The following SHOX variants were observed in gnomAD, a reference collection of about 807,000 sequenced individuals.
SHOX encodes the protein SHOX homeobox.
Under a neutral mutation model 29.6 loss-of-function variants are expected in SHOX, and 12 were observed. The observed-to-expected ratio is 0.41, with a 90% CI of 0.26 to 0.66. The LOEUF (loss-of-function observed/expected upper bound fraction) is 0.66. Among genes scored for constraint, SHOX ranks in the 30% least tolerant of loss-of-function variants. The probability of loss-of-function intolerance (pLI) is 0.35; values close to 1 mark genes in which losing one functional copy is unlikely to be tolerated. For synonymous variants in SHOX, 214 were observed against 200.6 expected, an observed-to-expected ratio of 1.07 and a Z score of -0.57; for missense variants, 499 against 437.7, an observed-to-expected ratio of 1.14 and a Z score of -1.25.
At chrX:624,742 C>CT (rs1232833439) in intron 1 of SHOX, 3 of 34,556 alleles carry the variant, frequency 8.7e-5, no homozygotes, top group Admixed American at 3.0e-4. Context: ...TCTTTCTTTT[C>CT]TTTCTTCCTT....
upstream of SHOX, among the ~76,000 whole-genome samples, chrX:627,863 G>C (rs1432382466): frequency 6.6e-6 from 1 of 152,170 alleles, no homozygotes; most frequent in Non-Finnish European, 1.5e-5. Flanking sequence ...GCTGAGCTGG[G>C]AGGACGGAGG....
chrX:659,378 C>T (rs1327607486), exon 6 of SHOX: 1 of 152,174 alleles, frequency 6.6e-6, no homozygotes, highest in Non-Finnish European at 1.5e-5. Flanking sequence ...TGAACCACTG[C>T]CCGTGGTCTC....
At chrX:651,999 C>G (rs1308158179), downstream of SHOX, among the ~76,000 whole-genome samples, 1 of 151,936 alleles carries the variant, frequency 6.6e-6, no homozygotes, top group Non-Finnish European at 1.5e-5. Flanking sequence ...CTCGGCTCAC[C>G]GCGACCTCCG....
chrX:654,915 C>T (rs1308984202), downstream of SHOX, among the ~76,000 whole-genome samples: 6 of 97,574 alleles, frequency 6.1e-5, no homozygotes, highest in Non-Finnish European at 9.7e-5. Context: ...TTTGAGCTCC[C>T]GACCTCGGGT....
chrX:651,422 C>A lies in SHOX; in HGVS notation c.*6786C>A, dbSNP rs554048356. On this transcript the variant is annotated 3_prime_UTR_variant, in exon 5 of 5. Coordinates refer to ENST00000686671, the MANE Select transcript of SHOX (RefSeq NM_000451.4). ...ACAAACAAACAAACAGAAAAAAAAA[C>A]CAAAAAAAACCACCCTGAGTTTCTC... is the stretch of plus-strand genomic sequence containing the variant. 12,555 of 449,314 alleles carry A rather than the reference C, an allele frequency of 0.028. 673 individuals carry two copies. The highest frequency in any genetic ancestry group is 0.13 in the South Asian group (7,885 of 62,832). The allele number at this position is 449,314 out of a possible 1,614,324, so 27.8% of individuals were successfully genotyped here.
intron 1 of SHOX, among the ~76,000 whole-genome samples, chrX:632,722 C>G (rs1238354449): frequency 6.6e-6 from 1 of 152,184 alleles, no homozygotes; most frequent in Non-Finnish European, 1.5e-5. Flanking sequence ...GAGGCAGGAG[C>G]CCAGCCTGCC....
chrX:652,159 G>A (rs1308735469), downstream of SHOX, among the ~76,000 whole-genome samples: 3 of 151,948 alleles, frequency 2.0e-5, no homozygotes, highest in Non-Finnish European at 2.9e-5. Flanking sequence ...TCCTGACCTC[G>A]TGATCCACCC....
rs1022073677 is a variant in SHOX, at chrX:649,482, C to A, written c.*4846C>A. Among the ~76,000 whole-genome samples the A allele has an allele frequency of 6.6e-6, 1 of 152,158 alleles. No individual in the cohort carries two copies. Among genetic ancestry groups the A allele is most frequent in the African/African-American group, 2.4e-5 (1 of 41,432 alleles). ...AGCATGGAAACAACATACGTCTCTCCACAGGAGGTGAGAAATTGAATTTAT... is the reference window on the plus strand; with the variant it reads ...AGCATGGAAACAACATACGTCTCTCAACAGGAGGTGAGAAATTGAATTTAT... On this transcript the variant is annotated 3_prime_UTR_variant, in exon 5 of 5. Transcript: ENST00000686671.
chrX:649,989 T>G lies in SHOX; in HGVS notation c.*5353T>G, dbSNP rs1280859651. On this transcript the variant is annotated 3_prime_UTR_variant, in exon 5 of 5. Coordinates refer to ENST00000686671, the MANE Select transcript of SHOX (RefSeq NM_000451.4). ...GATGTATCGGATGTTGCTATTAGAT[T>G]TTCTTTCTCCGTTCGAGTCTCTGAC... The G allele has an allele frequency of 2.2e-6, 1 of 456,078 alleles. No homozygotes were observed. The highest frequency in any genetic ancestry group is 2.0e-5 in the African/African-American group (1 of 50,198). 28.3% of individuals were successfully genotyped at this position (456,078 alleles called of 1,614,324 possible).
rs940157310 is a variant in SHOX, at chrX:650,210, C to T, written c.*5574C>T. Among the ~76,000 whole-genome samples, 3 of 152,266 alleles carry T rather than the reference C, an allele frequency of 2.0e-5. No homozygotes were observed. The highest frequency in any genetic ancestry group is 2.9e-5 in the Non-Finnish European group (2 of 68,018). ...CTGTACGATTTAGAGCGTAACTGAC[C>T]GCGTCCAACACCCGTTTTTCCACTT... On this transcript the variant is annotated 3_prime_UTR_variant, in exon 5 of 5. Transcript: ENST00000686671.
In SHOX at chrX:634,661, G is replaced by A. The variant is rs1365571683; in HGVS notation, c.321G>A (p.Glu107=). 3.7e-6 allele frequency: 6 copies of A among 1,613,814 alleles called. No individual in the cohort carries two copies. The African/African-American group carries it at 6.7e-5, about 18-fold the overall frequency. ...CKEKREDVKS[E]DEDGQTKLKQ... ...AGAAGCGCGAGGACGTGAAGTCGGA[G>A]GACGAGGACGGGCAGACCAAGCTGA... Residue 107 remains glutamate, a synonymous_variant, in exon 2 of 5, where the codon GAG becomes GAA. Transcript: ENST00000686671.
In SHOX at chrX:631,007, A is replaced by G. The variant is rs2052637694; in HGVS notation, c.110A>G (p.Glu37Gly). Residue 37 changes from glutamate to glycine, a missense_variant, in exon 1 of 5, where the codon GAA becomes GGA. By Grantham distance (98) the Glu-to-Gly change is moderately conservative. Coordinates refer to ENST00000686671, the MANE Select transcript of SHOX (RefSeq NM_000451.4). ...AAGAAGGATTCCATTACGTACCGGG[A>G]AGTTTTGGAGAGCGGACTGGCGCGC... is the stretch of plus-strand genomic sequence containing the variant. ...GGKKDSITYR[E>G]VLESGLARSR... The G allele has an allele frequency of 1.2e-6, 2 of 1,613,746 alleles. No homozygotes were observed. Among genetic ancestry groups the G allele is most frequent in the Non-Finnish European group, 1.7e-6 (2 of 1,179,812 alleles).
Position 651,421 on chromosome X carries a change from ACC to A in SHOX, c.*6786_*6787del, listed in dbSNP as rs762520247. ...AACAAACAAACAAACAGAAAAAAAA[ACC>A]AAAAAAAACCACCCTGAGTTTCTCT... On this transcript the variant is annotated 3_prime_UTR_variant, in exon 5 of 5. Coordinates refer to ENST00000686671, the MANE Select transcript of SHOX (RefSeq NM_000451.4). 2.2e-6 allele frequency: 1 copy of A among 452,356 alleles called. No individual in the cohort carries two copies. The highest frequency in any genetic ancestry group is 2.0e-5 in the African/African-American group (1 of 49,488). The allele number at this position is 452,356 out of a possible 1,614,324, so 28.0% of individuals were successfully genotyped here. A position where few individuals can be genotyped will look rare whatever the true frequency, so the allele number is the denominator to read the frequency against.
In SHOX at chrX:644,855, G is replaced by A; in HGVS notation, c.*219G>A. 1 of 586,644 alleles carries A rather than the reference G, an allele frequency of 1.7e-6. No individual in the cohort carries two copies. The highest frequency in any genetic ancestry group is 2.7e-6 in the Non-Finnish European group (1 of 377,008). 36.3% of individuals were successfully genotyped at this position (586,644 alleles called of 1,614,324 possible). On this transcript the variant is annotated 3_prime_UTR_variant, in exon 5 of 5. Transcript: ENST00000686671. ...GGAGATGGTGCAGAAGGCGGAGCGG[G>A]TGAGCGGCCGTGCGTCCAGCCCGGG... is the stretch of plus-strand genomic sequence containing the variant.
rs2053054980 is a variant in SHOX, at chrX:651,161, G to C, written c.*6525G>C. ...ATATGTACTATTTTAATTATGTCGA[G>C]TGTAAATTTGACATCGCGTTGCATT... On this transcript the variant is annotated 3_prime_UTR_variant, in exon 5 of 5. Transcript: ENST00000686671. 5 of 399,282 alleles carry C rather than the reference G, an allele frequency of 1.3e-5. No homozygotes were observed. Among genetic ancestry groups the C allele is most frequent in the Admixed American group, 3.1e-5 (1 of 32,244 alleles). The allele number at this position is 399,282 out of a possible 1,614,324, so 24.7% of individuals were successfully genotyped here. A position where few individuals can be genotyped will look rare whatever the true frequency, so the allele number is the denominator to read the frequency against.
chrX:651,395 A>AC lies in SHOX; in HGVS notation c.*6759_*6760insC, dbSNP rs746176380. The AC allele has an allele frequency of 7.5e-4, 326 of 435,970 alleles. 10 individuals are homozygous for AC. The highest frequency in any genetic ancestry group is 3.8e-3 in the South Asian group (241 of 63,286). 27.0% of individuals were successfully genotyped at this position (435,970 alleles called of 1,614,324 possible). A position where few individuals can be genotyped will look rare whatever the true frequency, so the allele number is the denominator to read the frequency against. On this transcript the variant is annotated 3_prime_UTR_variant, in exon 5 of 5. Transcript: ENST00000686671. Reference sequence around the variant, plus strand: ...CGGCAGGCGGTGAGGGGTAGAAAAAAAACAAACAAACAAACAGAAAAAAAA... The same window carrying AC: ...CGGCAGGCGGTGAGGGGTAGAAAAAACAACAAACAAACAAACAGAAAAAAAA...
At position 648,214 on chromosome X, in the gene SHOX, C is replaced by G. The variant is rs1421085799; in HGVS notation, c.*3578C>G. On this transcript the variant is annotated 3_prime_UTR_variant, in exon 5 of 5. Coordinates refer to ENST00000686671, the MANE Select transcript of SHOX (RefSeq NM_000451.4). ...TAGCTGGGATTACAGGCACCTGCCACCAGGCCTGGGTAACTTTCTGGTATT... is the reference window on the plus strand; with the variant it reads ...TAGCTGGGATTACAGGCACCTGCCAGCAGGCCTGGGTAACTTTCTGGTATT... Among the ~76,000 whole-genome samples, 1 of 109,262 alleles carries G rather than the reference C, an allele frequency of 9.2e-6. No individual in the cohort carries two copies. Among genetic ancestry groups the G allele is most frequent in the Non-Finnish European group, 1.9e-5 (1 of 53,988 alleles). 71.7% of individuals were successfully genotyped at this position (109,262 alleles called of 152,430 possible). A position where few individuals can be genotyped will look rare whatever the true frequency, so the allele number is the denominator to read the frequency against.
downstream of SHOX, among the ~76,000 whole-genome samples, chrX:652,340 A>T (rs868022505): frequency 0.029 from 3,876 of 135,074 alleles, 132 homozygotes; most frequent in East Asian, 0.1. Context: ...AAAATGACAA[A>T]TTTTTTTTTT....
downstream of SHOX, among the ~76,000 whole-genome samples, chrX:655,592 CTCTCTCTCTCTCTCTCTCTCTCTATA>C (rs2053128933): frequency 3.6e-5 from 2 of 55,702 alleles, no homozygotes; most frequent in African/African-American, 1.5e-4. Flanking sequence ...CTCTCTCTCT[CTCTCTCTCTCTCTCTCTCTCTCTATA>C]TATATATATA....
Sources: gnomAD v4.1 joint callset for allele counts (sites outside exome capture counted in the v4.1 genomes callset) on GRCh38, gnomAD v4.1.1 for gene constraint, MANE v1.5 for transcripts, NCBI Gene and HGNC (gene_info 2026-07-23, HGNC 2026-07-21) for gene names.